The following LHFPL6 variants were observed in gnomAD, a reference collection of about 807,000 sequenced individuals.
LHFPL6 encodes LHFPL tetraspan subfamily member 6 protein.
Under a neutral mutation model 20.6 loss-of-function variants are expected in LHFPL6, and 9 were observed. The ratio of observed to expected loss-of-function variants is 0.44; its 90% CI spans 0.26 to 0.76. The LOEUF is 0.76. Among genes scored for constraint, LHFPL6 ranks in the 30% least tolerant of loss-of-function variants. The probability of loss-of-function intolerance (pLI) is 0.20; values close to 1 mark genes in which losing one functional copy is unlikely to be tolerated. For missense variants in LHFPL6, 218 were observed against 253.5 expected (o/e 0.86, Z 0.95); for synonymous variants, 105 against 98.7 (o/e 1.06, Z -0.38).
chr13:39,469,716 T>A lies in LHFPL6; in HGVS notation c.386-91190A>T, dbSNP rs9532381. ...GTTTTGATTGACCAAGTAAGCTACA[T>A]AGAGCTTCTCAACAATGTGAAACAT... On this transcript the variant is annotated intron_variant, in intron 2 of 3. Coordinates refer to ENST00000379589, the MANE Select transcript of LHFPL6 (RefSeq NM_005780.3). Among the ~76,000 whole-genome samples, 83 of 152,316 alleles carry A rather than the reference T, an allele frequency of 5.4e-4. 2 individuals are homozygous for A. In the East Asian group the frequency reaches 0.015, roughly 27 times the overall value.
chr13:39,421,421 C>A (rs1033387743), intron 2 of LHFPL6, among the ~76,000 whole-genome samples: 1 of 152,038 alleles, frequency 6.6e-6, no homozygotes, highest in African/African-American at 2.4e-5. Context: ...AAATAGATTC[C>A]AGCATTATGA....
intron 2 of LHFPL6, among the ~76,000 whole-genome samples, chr13:39,506,659 A>G (rs1869496213): frequency 6.6e-6 from 1 of 152,194 alleles, no homozygotes; most frequent in African/African-American, 2.4e-5. Context: ...TAAGAAGCAT[A>G]AGAAAGCAAG....
chr13:39,386,800 C>G (rs1277786488), intron 2 of LHFPL6, among the ~76,000 whole-genome samples: 4 of 152,234 alleles, frequency 2.6e-5, no homozygotes. Context: ...AAAGACATTT[C>G]TGACTGGGGA....
intron 3 of LHFPL6, among the ~76,000 whole-genome samples, chr13:39,368,847 C>A (rs1870080852): frequency 6.6e-6 from 1 of 152,136 alleles, no homozygotes; most frequent in Non-Finnish European, 1.5e-5. Flanking sequence ...ATGGCAACAG[C>A]ATTCTATAAA....
chr13:39,426,644 G>A (rs890811090), intron 2 of LHFPL6, among the ~76,000 whole-genome samples: 43 of 151,940 alleles, frequency 2.8e-4, no homozygotes, highest in Non-Finnish European at 5.7e-4. Flanking sequence ...GTTCACCCAC[G>A]GTGCACCACA....
At chr13:39,476,566 GT>G (rs1873088486) in intron 2 of LHFPL6, among the ~76,000 whole-genome samples, 1 of 152,156 alleles carries the variant, frequency 6.6e-6, no homozygotes, top group African/African-American at 2.4e-5. Context: ...TCTGCTGAAG[GT>G]AAGTAAAAAT....
rs1279800989 is a variant in LHFPL6, at chr13:39,564,105, G to C, written c.385+36727C>G. 4.2e-5 allele frequency among the ~76,000 whole-genome samples: 5 copies of C among 118,602 alleles called. No homozygotes were observed. In the South Asian group the frequency reaches 1.8e-3, roughly 44 times the overall value. The allele number at this position is 118,602 out of a possible 152,430, so 77.8% of individuals were successfully genotyped here. ...CATTAAATCCAGGAGATTGGGAGCT[G>C]TTTTCCTCTGGAGCATTTTATTTTT... is the stretch of plus-strand genomic sequence containing the variant. On this transcript the variant is annotated intron_variant, in intron 2 of 3. Coordinates refer to ENST00000379589, the MANE Select transcript of LHFPL6 (RefSeq NM_005780.3).
chr13:39,468,899 T>G (rs1872871011), intron 2 of LHFPL6, among the ~76,000 whole-genome samples: 1 of 151,068 alleles, frequency 6.6e-6, no homozygotes, highest in African/African-American at 2.4e-5. Context: ...AAAAAAAACC[T>G]GTATCAGGTT....
intron 2 of LHFPL6, among the ~76,000 whole-genome samples, chr13:39,464,342 A>C (rs977801489): frequency 6.6e-6 from 1 of 152,206 alleles, no homozygotes; most frequent in Non-Finnish European, 1.5e-5. Flanking sequence ...ATCCTATATA[A>C]AACAGCAAAG....
chr13:39,374,731 T>A (rs953652686), intron 3 of LHFPL6, among the ~76,000 whole-genome samples: 6 of 152,182 alleles, frequency 3.9e-5, no homozygotes, highest in Non-Finnish European at 7.4e-5. Flanking sequence ...CAATTTCCAT[T>A]CTAGCACCCA....
intron 2 of LHFPL6, among the ~76,000 whole-genome samples, chr13:39,582,627 C>A: frequency 6.6e-6 from 1 of 152,158 alleles, no homozygotes; most frequent in Non-Finnish European, 1.5e-5. Flanking sequence ...AATGGCAATG[C>A]TGAAAATTCA....
chr13:39,459,538 A>C (rs1872644367), intron 2 of LHFPL6, among the ~76,000 whole-genome samples: 1 of 152,110 alleles, frequency 6.6e-6, no homozygotes. Flanking sequence ...ATACTTTAAC[A>C]TTAAGGAGAA....
At chr13:39,414,241 T>C (rs917618224) in intron 2 of LHFPL6, among the ~76,000 whole-genome samples, 8 of 152,142 alleles carry the variant, frequency 5.3e-5, no homozygotes, top group African/African-American at 1.9e-4. Context: ...TATTTGGAAA[T>C]CAAGCTCAAT....
intron 2 of LHFPL6, among the ~76,000 whole-genome samples, chr13:39,592,457 C>G (rs1872636940): frequency 6.6e-6 from 1 of 152,190 alleles, no homozygotes; most frequent in Non-Finnish European, 1.5e-5. Flanking sequence ...CAATAACAGG[C>G]TCTGAAATTG....
Position 39,407,951 on chromosome 13 carries a change from C to T in LHFPL6, c.386-29425G>A, listed in dbSNP as rs369217439. ...GAGAATGAATGGAAGGTGGCAGACG[C>T]TGTCTGGGACACAGTGTTCAACGCT... On this transcript the variant is annotated intron_variant, in intron 2 of 3. Coordinates refer to ENST00000379589, the MANE Select transcript of LHFPL6 (RefSeq NM_005780.3). 1.2e-4 allele frequency among the ~76,000 whole-genome samples: 18 copies of T among 152,284 alleles called. No homozygotes were observed. In the South Asian group the frequency reaches 3.7e-3, roughly 32 times the overall value.
At chr13:39,473,147 T>G (rs17060034) in intron 2 of LHFPL6, among the ~76,000 whole-genome samples, 1 of 151,250 alleles carries the variant, frequency 6.6e-6, no homozygotes, top group Non-Finnish European at 1.5e-5. Context: ...AGATGCAGAG[T>G]GGGAAACAGG....
intron 2 of LHFPL6, among the ~76,000 whole-genome samples, chr13:39,504,823 T>C (rs1253500501): frequency 6.6e-6 from 1 of 152,222 alleles, no homozygotes; most frequent in East Asian, 1.9e-4. Flanking sequence ...GGAATAAGCA[T>C]ATTCCCCTAC....
chr13:39,460,421 C>T (rs1388887615), intron 2 of LHFPL6, among the ~76,000 whole-genome samples: 1 of 152,172 alleles, frequency 6.6e-6, no homozygotes, highest in African/African-American at 2.4e-5. Context: ...GCTTTTGACA[C>T]AACCTGGGCA....
At chr13:39,493,496 T>C (rs1186489139) in intron 2 of LHFPL6, among the ~76,000 whole-genome samples, 1 of 152,034 alleles carries the variant, frequency 6.6e-6, no homozygotes, top group African/African-American at 2.4e-5. Context: ...AAAATTGAAA[T>C]GAGATAGGAA....
Sources: allele counts gnomAD v4.1 joint callset (sites outside exome capture counted in the v4.1 genomes callset), GRCh38; gene constraint gnomAD v4.1.1; transcripts MANE v1.5; gene names NCBI Gene and HGNC (gene_info 2026-07-23, HGNC 2026-07-21).